The following ARID3A variants were observed in gnomAD, a reference collection of about 807,000 sequenced individuals.
ARID3A encodes the protein AT-rich interaction domain 3A, also known as AT-rich interactive domain-containing protein 3A.
A neutral mutation model predicts 52.7 loss-of-function variants in ARID3A; 11 were observed. The observed-to-expected ratio is 0.21, with a 90% CI of 0.13 to 0.35. The LOEUF (loss-of-function observed/expected upper bound fraction) is 0.35, where lower values mean the gene tolerates loss of function less well. Among genes scored for constraint, ARID3A ranks in the 10% least tolerant of loss-of-function variants. ARID3A has a pLI of 1.00. For synonymous variants in ARID3A, 404 were observed against 359.4 expected, an observed-to-expected ratio of 1.12 and a Z score of -1.40; for missense variants, 721 against 838.5, an observed-to-expected ratio of 0.86 and a Z score of 1.73.
chr19:966,892 G>A (rs769323982), intron 7 of ARID3A, 24 bp downstream of exon 7: 17 of 1,577,544 alleles, frequency 1.1e-5, no homozygotes, highest in African/African-American at 2.7e-5. Context: ...GCCCAGACCC[G>A]CTGTGCTTCC....
At chr19:940,812 G>A (rs2145382913) in intron 3 of ARID3A, among the ~76,000 whole-genome samples, 1 of 152,246 alleles carries the variant, frequency 6.6e-6, no homozygotes, top group South Asian at 2.1e-4. Flanking sequence ...CGGGAGGGCT[G>A]TCGGGAAGCC....
At chr19:926,766 A>G (rs1370390916) in intron 1 of ARID3A, among the ~76,000 whole-genome samples, 1 of 150,730 alleles carries the variant, frequency 6.6e-6, no homozygotes, top group Non-Finnish European at 1.5e-5. Context: ...CCCCCCAGAC[A>G]CAAAAGCGGG....
intron 2 of ARID3A, among the ~76,000 whole-genome samples, chr19:930,170 G>GA (rs1286588690): frequency 6.6e-6 from 1 of 152,082 alleles, no homozygotes; most frequent in Non-Finnish European, 1.5e-5. Flanking sequence ...GCTGAGGCAG[G>GA]AGGATCCCTT....
intron 8 of ARID3A, 106 bp from the exon 9 acceptor site, chr19:971,772 G>A (rs1568376426): frequency 7.9e-6 from 11 of 1,394,066 alleles, no homozygotes; most frequent in East Asian, 2.6e-5. Context: ...GGGGGACAGA[G>A]TGAGAGAGAA....
In ARID3A at chr19:934,836, G is replaced by A. The variant is rs554383185; in HGVS notation, c.693+2094G>A. Among the ~76,000 whole-genome samples the A allele has an allele frequency of 3.7e-4, 56 of 152,278 alleles. 1 individual carries two copies. In the East Asian group the frequency reaches 0.01, roughly 28 times the overall value. ...TTGCCCAGGTTGGTCTCAAACTCCT[G>A]GGCTCAAGTGATCTGCCTCACTCAG... On this transcript the variant is annotated intron_variant, in intron 3 of 8. Transcript: ENST00000263620.
Position 941,603 on chromosome 19 carries a change from A to G in ARID3A, c.693+8861A>G, listed in dbSNP as rs10415976. Among the ~76,000 whole-genome samples, 28,128 of 151,574 alleles carry G rather than the reference A, an allele frequency of 0.19. 3,532 individuals carry two copies. Among genetic ancestry groups the G allele is most frequent in the East Asian group, 0.47 (2,410 of 5,132 alleles). On this transcript the variant is annotated intron_variant, in intron 3 of 8. Transcript: ENST00000263620. The surrounding 1 kb of genome is among the most constrained non-coding windows in gnomAD (Gnocchi z 6.9). ...TGTGAATGTCTATGTTGGGGTGATG[A>G]TCTCCTGTGTGTGCATTTTTTTAAC...
rs117663013 is a variant in ARID3A, at chr19:952,936, G to A, written c.694-7156G>A. Among the ~76,000 whole-genome samples the A allele has an allele frequency of 1.8e-4, 27 of 152,170 alleles. No individual in the cohort carries two copies. In the East Asian group the frequency reaches 4.4e-3, roughly 25 times the overall value. ...AAACCATAGCCCCCCTGTGACCTTGGGCACTGCCCACCTGTGACCTTGGGC... is the reference window on the plus strand; with the variant it reads ...AAACCATAGCCCCCCTGTGACCTTGAGCACTGCCCACCTGTGACCTTGGGC... On this transcript the variant is annotated intron_variant, in intron 3 of 8. Transcript: ENST00000263620.
At chr19:963,554 G>T (rs2145450046) in intron 4 of ARID3A, among the ~76,000 whole-genome samples, 1 of 152,274 alleles carries the variant, frequency 6.6e-6, no homozygotes, top group South Asian at 2.1e-4. Flanking sequence ...GCGGGGAGGG[G>T]CCACGTCTGC....
At position 932,648 on chromosome 19, in the gene ARID3A, C is replaced by G. The variant is rs766151255; in HGVS notation, c.599C>G (p.Pro200Arg). The G allele has an allele frequency of 6.5e-7, 1 of 1,543,050 alleles. No individual in the cohort carries two copies. The highest frequency in any genetic ancestry group is 8.7e-7 in the Non-Finnish European group (1 of 1,145,076). Residue 200 changes from proline (P) to arginine (R), a missense_variant, in exon 3 of 9, where the codon CCT becomes CGT. Pro to Arg is a moderately radical substitution (Grantham distance 103). This residue lies in a region of ARID3A where 349 missense variants were observed against 297.3 expected (regional missense o/e 1.17). Coordinates refer to ENST00000263620, the MANE Select transcript of ARID3A (RefSeq NM_005224.3). ...RVLGGQERPG[P>R]GPAHPGGAAH... Reference sequence around the variant, plus strand: ...CTGGGGGGCCAGGAGCGGCCGGGGCCTGGCCCTGCCCACCCCGGAGGGGCC... The same window carrying G: ...CTGGGGGGCCAGGAGCGGCCGGGGCGTGGCCCTGCCCACCCCGGAGGGGCC...
At chr19:971,854 A>G (rs1295234727) in intron 8 of ARID3A, 24 bp from the exon 9 acceptor site, 18 of 1,588,122 alleles carry the variant, frequency 1.1e-5, no homozygotes, top group East Asian at 2.4e-5. Context: ...TCTGCATGGC[A>G]TATGTCTTCT....
rs935819802 is a variant in ARID3A, at chr19:941,038, TCACCGCCGCGGGGTCAC to T, written c.693+8298_693+8314del. Among the ~76,000 whole-genome samples the T allele has an allele frequency of 4.6e-5, 7 of 152,072 alleles. No individual in the cohort carries two copies. The highest frequency in any genetic ancestry group is 1.7e-4 in the African/African-American group (7 of 41,500). On this transcript the variant is annotated intron_variant, in intron 3 of 8. Transcript: ENST00000263620. The surrounding 1 kb of genome is among the most constrained non-coding windows in gnomAD (Gnocchi z 6.9). ...CCTGCGCCACCGCCTGGCCGTCGGG[TCACCGCCGCGGGGTCAC>T]CGCCGCCGCGGCCTGGCCCCACGCC...
intron 6 of ARID3A, 33 bp downstream of exon 6, chr19:965,113 C>T (rs368789101): frequency 1.4e-4 from 211 of 1,558,700 alleles, no homozygotes; most frequent in Non-Finnish European, 1.6e-4. Context: ...GGGCGTGTTC[C>T]CAACTGAGCT....
rs977972913 is a variant in ARID3A, at chr19:960,645, G to A, written c.766+481G>A. On this transcript the variant is annotated intron_variant, in intron 4 of 8. Coordinates refer to ENST00000263620, the MANE Select transcript of ARID3A (RefSeq NM_005224.3). This position sits in a 1 kb window ranked among gnomAD's most constrained non-coding sequence, Gnocchi z 4.3. ...TCTCATGGCGGCCAATGCGACATTT[G>A]AGTCCTGGCCCCTCCCCTCTTCCCA... Among the ~76,000 whole-genome samples the A allele has an allele frequency of 3.9e-5, 6 of 152,078 alleles. No individual in the cohort carries two copies. Among genetic ancestry groups the A allele is most frequent in the Admixed American group, 3.3e-4 (5 of 15,270 alleles).
intron 3 of ARID3A, among the ~76,000 whole-genome samples, chr19:949,833 G>A (rs532193794): frequency 3.3e-5 from 5 of 152,054 alleles, no homozygotes; most frequent in East Asian, 1.9e-4. Context: ...TCACCACCAC[G>A]CCCGGCTAAT....
chr19:926,863 G>A (rs2037210879), intron 1 of ARID3A, among the ~76,000 whole-genome samples: 1 of 151,876 alleles, frequency 6.6e-6, no homozygotes, highest in African/African-American at 2.4e-5. Context: ...TCCGTTTTTA[G>A]GCGCTCGGGC....
At chr19:948,338 T>A (rs2037730511) in intron 3 of ARID3A, among the ~76,000 whole-genome samples, 1 of 152,048 alleles carries the variant, frequency 6.6e-6, no homozygotes, top group African/African-American at 2.4e-5. Context: ...GCTGGCCCTG[T>A]GGTCCACGCT....
intron 3 of ARID3A, among the ~76,000 whole-genome samples, chr19:940,400 G>A (rs2283589): frequency 0.092 from 14,059 of 152,116 alleles, 751 homozygotes; most frequent in East Asian, 0.27. Flanking sequence ...TCAAGCTCTC[G>A]GTGTAGCAGG....
chr19:932,796 G>A, intron 3 of ARID3A, 54 bp downstream of exon 3: 1 of 1,542,942 alleles, frequency 6.5e-7, no homozygotes, highest in Non-Finnish European at 8.7e-7. Context: ...GGGCCAGTGG[G>A]GCCCTTTGAA....
intron 3 of ARID3A, 50 bp downstream of exon 3, chr19:932,792 G>A (rs957612580): frequency 6.5e-7 from 1 of 1,543,672 alleles, no homozygotes; most frequent in East Asian, 2.5e-5. Flanking sequence ...TCCTGGGCCA[G>A]TGGGGCCCTT....
Sources: allele counts gnomAD v4.1 joint callset (sites outside exome capture counted in the v4.1 genomes callset), GRCh38; gene constraint gnomAD v4.1.1; regional missense constraint gnomAD v4.1.1; non-coding constraint Gnocchi (gnomAD v3.1); transcripts MANE v1.5; gene names NCBI Gene and HGNC (gene_info 2026-07-23, HGNC 2026-07-21).